The following NBEA variants were observed in gnomAD, a reference collection of about 807,000 sequenced individuals.
The protein encoded by NBEA is lysosomal-trafficking regulator 2.
A neutral mutation model predicts 343.4 loss-of-function variants in NBEA; 44 were observed. The observed-to-expected ratio is 0.13, with a 90% CI of 0.10 to 0.16. The LOEUF (loss-of-function observed/expected upper bound fraction) is 0.16, where lower values mean the gene tolerates loss of function less well. Ranked by LOEUF, NBEA falls within the 10% of genes least tolerant of loss-of-function variation. NBEA has a pLI of 1.00. For missense variants in NBEA, 2,555 were observed against 3,631.3 expected (o/e 0.70, Z 7.62); for synonymous variants, 1,175 against 1,238.7 (o/e 0.95, Z 1.08).
At chr13:35,074,701 G>T (rs890692090) in intron 10 of NBEA, among the ~76,000 whole-genome samples, 31 of 152,030 alleles carry the variant, frequency 2.0e-4, no homozygotes, top group Admixed American at 2.0e-3. Flanking sequence ...AAATTTTATT[G>T]TGTATGTTTA....
chr13:35,067,852 C>T (rs1353530504), intron 8 of NBEA, among the ~76,000 whole-genome samples: 1 of 152,016 alleles, frequency 6.6e-6, no homozygotes, highest in Non-Finnish European at 1.5e-5. Flanking sequence ...CCTTCCACCT[C>T]AGCCTCATGA....
chr13:35,077,991 A>G (rs1245810581), intron 10 of NBEA, among the ~76,000 whole-genome samples: 2 of 152,154 alleles, frequency 1.3e-5, no homozygotes, highest in Admixed American at 6.5e-5. Context: ...TTGGATTTAT[A>G]ATGTCAGTGA....
At chr13:35,545,498 C>G (rs1224306200) in intron 41 of NBEA, among the ~76,000 whole-genome samples, 3 of 152,158 alleles carry the variant, frequency 2.0e-5, no homozygotes, top group Non-Finnish European at 2.9e-5. Context: ...TATCTGAGTA[C>G]CAGTGTTTTA....
chr13:35,432,274 T>G lies in NBEA; in HGVS notation c.6185T>G (p.Leu2062Trp). 1 of 1,599,206 alleles carries G rather than the reference T, an allele frequency of 6.3e-7. No homozygotes were observed. The highest frequency in any genetic ancestry group is 8.5e-7 in the Non-Finnish European group (1 of 1,171,880). Residue 2062 changes from leucine (L) to tryptophan (W), a missense_variant, in exon 39 of 59, where the codon TTG becomes TGG. By Grantham distance (61) the Leu-to-Trp change is moderately conservative. This residue lies in a region of NBEA where 246 missense variants were observed against 313.7 expected (regional missense o/e 0.78). Coordinates refer to ENST00000379939, the MANE Select transcript of NBEA (RefSeq NM_001385012.1). The part of the protein sequence containing the change: ...GAWGAVSHSQ[L>W]HDFWRLDYWE... ...TTTTTTCCCTCTACTCTTAGCCAAT[T>G]GCATGATTTCTGGCGTTTGGATTAC...
At chr13:35,388,134 C>T (rs2042334118) in intron 38 of NBEA, among the ~76,000 whole-genome samples, 2 of 152,056 alleles carry the variant, frequency 1.3e-5, no homozygotes, top group South Asian at 4.1e-4. Flanking sequence ...CTATTCCCTA[C>T]CTACTAGGTA....
At chr13:35,443,824 C>G (rs1431034903) in intron 39 of NBEA, among the ~76,000 whole-genome samples, 2 of 151,866 alleles carry the variant, frequency 1.3e-5, no homozygotes, top group African/African-American at 4.8e-5. Flanking sequence ...TGGGATTTTT[C>G]TATTGAAAGA....
chr13:34,975,016 C>T (rs975579963), intron 1 of NBEA, among the ~76,000 whole-genome samples: 3 of 152,124 alleles, frequency 2.0e-5, no homozygotes, highest in African/African-American at 7.2e-5. Context: ...CATACTATCA[C>T]CTTGAGGTAA....
intron 41 of NBEA, among the ~76,000 whole-genome samples, chr13:35,513,261 C>T (rs1412199394): frequency 3.3e-5 from 5 of 149,502 alleles, no homozygotes; most frequent in Non-Finnish European, 5.9e-5. Flanking sequence ...CTCAGCCTCC[C>T]GAGTAGCTGG....
intron 24 of NBEA, among the ~76,000 whole-genome samples, chr13:35,166,274 G>A (rs933922813): frequency 2.6e-5 from 4 of 151,998 alleles, no homozygotes; most frequent in Admixed American, 2.0e-4. Context: ...AATTTTAAAG[G>A]CAAAAGATCT....
At chr13:35,034,156 T>C (rs2062349978) in intron 1 of NBEA, among the ~76,000 whole-genome samples, 1 of 151,906 alleles carries the variant, frequency 6.6e-6, no homozygotes, top group Non-Finnish European at 1.5e-5. Context: ...GTCTGTAGTA[T>C]ATGCTTTTTG....
intron 1 of NBEA, among the ~76,000 whole-genome samples, chr13:35,001,308 T>C (rs936856714): frequency 3.9e-5 from 6 of 152,068 alleles, no homozygotes; most frequent in African/African-American, 1.4e-4. Context: ...GATCCAGCAG[T>C]CCCACTACAT....
At chr13:35,010,019 C>T (rs150248184) in intron 1 of NBEA, among the ~76,000 whole-genome samples, 15 of 152,186 alleles carry the variant, frequency 9.9e-5, no homozygotes, top group African/African-American at 3.6e-4. Flanking sequence ...GTGGGATAGG[C>T]AGAAGATCAA....
intron 35 of NBEA, among the ~76,000 whole-genome samples, chr13:35,308,425 A>G (rs1201157272): frequency 1.5e-5 from 2 of 134,064 alleles, no homozygotes; most frequent in Non-Finnish European, 3.1e-5. Flanking sequence ...TCAATCCAAA[A>G]CACTGCTATT....
intron 35 of NBEA, among the ~76,000 whole-genome samples, chr13:35,300,001 G>C (rs2036429674): frequency 6.6e-6 from 1 of 152,048 alleles, no homozygotes; most frequent in African/African-American, 2.4e-5. Flanking sequence ...TAACTTTCAA[G>C]GTAGCTTATA....
intron 39 of NBEA, among the ~76,000 whole-genome samples, chr13:35,445,782 T>TTATATATATATATATATATATA (rs71081255): frequency 1.8e-5 from 2 of 113,236 alleles, no homozygotes; most frequent in African/African-American, 3.4e-5. Flanking sequence ...ATATAAATGT[T>TTATATATATATATATATATATA]TATATATATA....
intron 1 of NBEA, among the ~76,000 whole-genome samples, chr13:34,999,210 T>A (rs2152522926): frequency 6.6e-6 from 1 of 152,294 alleles, no homozygotes; most frequent in South Asian, 2.1e-4. Context: ...TTTTTAAAAA[T>A]TTTTGTGGGT....
chr13:35,326,937 TA>T, intron 36 of NBEA, among the ~76,000 whole-genome samples: 1 of 151,262 alleles, frequency 6.6e-6, no homozygotes, highest in South Asian at 2.1e-4. Flanking sequence ...AAATCAACAA[TA>T]AAAAACAAAT....
intron 41 of NBEA, among the ~76,000 whole-genome samples, chr13:35,546,843 G>T (rs550340337): frequency 6.6e-6 from 1 of 152,100 alleles, no homozygotes; most frequent in East Asian, 1.9e-4. Context: ...GTGAGCCACC[G>T]CTCCCGGCCT....
At chr13:35,184,165 G>A in intron 30 of NBEA, 94 bp downstream of exon 30, 1 of 852,854 alleles carries the variant, frequency 1.2e-6, no homozygotes, top group African/African-American at 1.8e-5. Context: ...TTATAAATAA[G>A]TATATACCTC....
Sources: allele counts gnomAD v4.1 joint callset (sites outside exome capture counted in the v4.1 genomes callset), GRCh38; gene constraint gnomAD v4.1.1; regional missense constraint gnomAD v4.1.1; transcripts MANE v1.5; gene names NCBI Gene and HGNC (gene_info 2026-07-23, HGNC 2026-07-21).